The following WDTC1 variants were observed in gnomAD, a reference collection of about 807,000 sequenced individuals.
WDTC1 encodes WD and tetratricopeptide repeats 1, also known as WD and tetratricopeptide repeats protein 1.
A neutral mutation model predicts 76.0 loss-of-function variants in WDTC1; 12 were observed. The observed-to-expected ratio is 0.16, with a 90% CI of 0.10 to 0.26. The LOEUF is 0.26. Ranked by LOEUF, WDTC1 falls within the 10% of genes least tolerant of loss-of-function variation. WDTC1 has a pLI of 1.00. For synonymous variants in WDTC1, 326 were observed against 350.8 expected (o/e 0.93, Z 0.79); for missense variants, 511 against 908.8 (o/e 0.56, Z 5.63).
chr1:27,296,494 C>T, intron 10 of WDTC1, 93 bp downstream of exon 10: 1 of 1,323,888 alleles, frequency 7.6e-7, no homozygotes, highest in Non-Finnish European at 1.1e-6. Context: ...TTACTCTGGA[C>T]CGTGATCCTC....
intron 13 of WDTC1, among the ~76,000 whole-genome samples, chr1:27,302,259 T>TTAC (rs773434367): frequency 3.3e-5 from 5 of 152,080 alleles, no homozygotes; most frequent in Non-Finnish European, 5.9e-5. Context: ...TTTATGGCAT[T>TTAC]TACAGTCTAG....
At chr1:27,260,778 C>A (rs1227541986) in intron 1 of WDTC1, among the ~76,000 whole-genome samples, 178 bp from the exon 2 acceptor site, 1 of 152,184 alleles carries the variant, frequency 6.6e-6, no homozygotes, top group Non-Finnish European at 1.5e-5. Flanking sequence ...CTACTGTTCT[C>A]CCCACCCACT....
chr1:27,261,032 T>G lies in WDTC1; in HGVS notation c.-23T>G, dbSNP rs2012461843. On this transcript the variant is annotated 5_prime_UTR_variant, in exon 2 of 16. Coordinates refer to ENST00000319394, the MANE Select transcript of WDTC1 (RefSeq NM_001276252.2). ...TCCTGAAGATCCTATTATAGCTTCC[T>G]TCTGTTGAACCATTAAGAAAAGATG... 2 of 1,614,114 alleles carry G rather than the reference T, an allele frequency of 1.2e-6. No individual in the cohort carries two copies. The highest frequency in any genetic ancestry group is 1.7e-6 in the Non-Finnish European group (2 of 1,179,988).
intron 3 of WDTC1, among the ~76,000 whole-genome samples, chr1:27,279,156 T>A (rs1340663334): frequency 6.6e-6 from 1 of 152,238 alleles, no homozygotes; most frequent in East Asian, 1.9e-4. Flanking sequence ...TCTCTTACCC[T>A]ACTAGAGTTC....
chr1:27,243,521 T>C (rs915248185), intron 1 of WDTC1, among the ~76,000 whole-genome samples: 1 of 152,026 alleles, frequency 6.6e-6, no homozygotes, highest in South Asian at 2.1e-4. Context: ...CCAGTAATTA[T>C]TATTTAGTGG....
chr1:27,305,677 T>C lies in WDTC1; in HGVS notation c.1836+484T>C, dbSNP rs2013938376. On this transcript the variant is annotated intron_variant, in intron 15 of 15. Transcript: ENST00000319394. This position sits in a 1 kb window ranked among gnomAD's most constrained non-coding sequence, Gnocchi z 4.6. ...GCTGGCTTGGTGCCTCCCCTTCCCCTCTGCCCTACTGCTTCCCTCTTCCCA... is the reference window on the plus strand; with the variant it reads ...GCTGGCTTGGTGCCTCCCCTTCCCCCCTGCCCTACTGCTTCCCTCTTCCCA... Among the ~76,000 whole-genome samples, 1 of 152,114 alleles carries C rather than the reference T, an allele frequency of 6.6e-6. No individual in the cohort carries two copies.
chr1:27,246,387 G>A (rs1476340693), intron 1 of WDTC1, among the ~76,000 whole-genome samples: 1 of 152,102 alleles, frequency 6.6e-6, no homozygotes, highest in Admixed American at 6.6e-5. Context: ...CCATGTTGTT[G>A]TATGAATTAG....
chr1:27,251,795 G>C (rs2012073177), intron 1 of WDTC1, among the ~76,000 whole-genome samples: 1 of 151,878 alleles, frequency 6.6e-6, no homozygotes, highest in Non-Finnish European at 1.5e-5. Context: ...CCACTATATA[G>C]TGGTGATAGA....
upstream of WDTC1, chr1:27,234,460 C>T (rs1557469249): frequency 1.8e-5 from 5 of 276,424 alleles, no homozygotes. Flanking sequence ...GGGGCTCCCC[C>T]ACTAGCAGGT....
At chr1:27,293,202 G>A (rs2013584991) in intron 7 of WDTC1, among the ~76,000 whole-genome samples, 1 of 151,482 alleles carries the variant, frequency 6.6e-6, no homozygotes, top group African/African-American at 2.4e-5. Context: ...GGAGGCCGAG[G>A]CAGGCGGATC....
At chr1:27,236,978 C>T (rs540558311) in intron 1 of WDTC1, among the ~76,000 whole-genome samples, 2 of 152,268 alleles carry the variant, frequency 1.3e-5, no homozygotes, top group Admixed American at 6.5e-5. Flanking sequence ...GCTGGGATTG[C>T]AGGTGCCTGC....
intron 5 of WDTC1, among the ~76,000 whole-genome samples, chr1:27,283,882 A>C (rs1443403571): frequency 6.6e-6 from 1 of 152,216 alleles, no homozygotes; most frequent in Non-Finnish European, 1.5e-5. Flanking sequence ...TTTAAAAGGA[A>C]ATAACAGTCT....
At chr1:27,297,826 A>T in intron 11 of WDTC1, 112 bp from the exon 12 acceptor site, 2 of 1,178,688 alleles carry the variant, frequency 1.7e-6, no homozygotes, top group Non-Finnish European at 2.3e-6. Flanking sequence ...GATAGCAGTC[A>T]GATCCCAGGG....
chr1:27,280,795 T>A (rs570227425), intron 3 of WDTC1, among the ~76,000 whole-genome samples: 24 of 152,290 alleles, frequency 1.6e-4, no homozygotes, highest in Non-Finnish European at 2.4e-4. Flanking sequence ...CTCACTGGGT[T>A]GTAGTTAAGA....
chr1:27,259,315 AT>A (rs1305038972), intron 1 of WDTC1, among the ~76,000 whole-genome samples: 3 of 140,872 alleles, frequency 2.1e-5, no homozygotes, highest in Non-Finnish European at 4.6e-5. Flanking sequence ...GCATGCCACC[AT>A]GCCCAACTTT....
Position 27,292,214 on chromosome 1 carries a change from G to C in WDTC1, c.480-1G>C, listed in dbSNP as rs1165863476. ...TTCCCTAACTCTGTCCTCTCTCACA[G>C]CCAGTATGACCTTCGAGAGAACAGC... is the stretch of plus-strand genomic sequence containing the variant. On this transcript the variant is annotated splice_acceptor_variant, in intron 6 of 15. Coordinates refer to ENST00000319394, the MANE Select transcript of WDTC1 (RefSeq NM_001276252.2). LOFTEE classifies it high-confidence loss of function. 1 of 1,568,260 alleles carries C rather than the reference G, an allele frequency of 6.4e-7. No homozygotes were observed. Among genetic ancestry groups the C allele is most frequent in the East Asian group, 2.4e-5 (1 of 41,350 alleles).
At chr1:27,257,052 C>T (rs1007196639) in intron 1 of WDTC1, among the ~76,000 whole-genome samples, 2 of 151,926 alleles carry the variant, frequency 1.3e-5, no homozygotes, top group African/African-American at 2.4e-5. Flanking sequence ...TTAGTAGAGA[C>T]GGGGTTTCAC....
intron 6 of WDTC1, among the ~76,000 whole-genome samples, chr1:27,291,879 G>T (rs1210907385): frequency 6.6e-6 from 1 of 152,124 alleles, no homozygotes; most frequent in Non-Finnish European, 1.5e-5. Context: ...ATGGCGTTAG[G>T]AATTAATTAA....
intron 14 of WDTC1, chr1:27,304,054 T>A: frequency 2.4e-6 from 1 of 419,898 alleles, no homozygotes; most frequent in Non-Finnish European, 4.2e-6. Flanking sequence ...CCTGAACTAC[T>A]CCTTCATCCC....
Sources: gnomAD v4.1 joint callset for allele counts (sites outside exome capture counted in the v4.1 genomes callset) on GRCh38, gnomAD v4.1.1 for gene constraint, Gnocchi (gnomAD v3.1) non-coding constraint, MANE v1.5 for transcripts, NCBI Gene and HGNC (gene_info 2026-07-23, HGNC 2026-07-21) for gene names.